L2HGDH: variants seen among roughly 807,000 people sequenced by gnomAD.
L2HGDH encodes the protein L-2-hydroxyglutarate dehydrogenase, mitochondrial.
In L2HGDH, 34 loss-of-function variants were observed where a neutral mutation model predicts 51.5. That is an observed-to-expected ratio of 0.66 (90% CI 0.50 to 0.88). L2HGDH has a LOEUF of 0.88. Among genes scored for constraint, L2HGDH ranks in the 40% least tolerant of loss-of-function variants. The probability of loss-of-function intolerance (pLI) is 0.00; values close to 1 mark genes in which losing one functional copy is unlikely to be tolerated. For synonymous variants in L2HGDH, 198 were observed against 197.9 expected (o/e 1.00, Z -0.01); for missense variants, 558 against 571.9 (o/e 0.98, Z 0.25).
At chr14:50,277,774 A>AAATAAT (rs34552494) in intron 6 of L2HGDH, among the ~76,000 whole-genome samples, 33 of 133,522 alleles carry the variant, frequency 2.5e-4, no homozygotes, top group East Asian at 6.7e-4. Context: ...CTCCGTCTCA[A>AAATAAT]AATAATAATA....
At chr14:50,290,936 A>G (rs1890842077) in intron 4 of L2HGDH, among the ~76,000 whole-genome samples, 1 of 152,180 alleles carries the variant, frequency 6.6e-6, no homozygotes, top group Non-Finnish European at 1.5e-5. Flanking sequence ...ACGGTGGCTC[A>G]CGCCTATAAT....
At chr14:50,293,807 T>A (rs896079302) in intron 4 of L2HGDH, among the ~76,000 whole-genome samples, 7 of 152,206 alleles carry the variant, frequency 4.6e-5, no homozygotes, top group African/African-American at 1.4e-4. Flanking sequence ...TTCAGTCTCA[T>A]CTCTTATATT....
rs1448244675 is a variant in L2HGDH at position 50,257,760 on chromosome 14, GT to G, written c.1196+7597del. ...AATTTGCCTAGTTCTTTTTTCTTTG[GT>G]TTTTTTTTTTCATGTTTTCATTACC... On this transcript the variant is annotated intron_variant, in intron 9 of 9. Transcript: ENST00000267436. Among the ~76,000 whole-genome samples, 475 of 141,754 alleles carry G rather than the reference GT, an allele frequency of 3.4e-3. 2 individuals carry two copies. The highest frequency in any genetic ancestry group is 5.0e-3 in the Non-Finnish European group (321 of 64,462). The allele number at this position is 141,754 out of a possible 152,430, so 93.0% of individuals were successfully genotyped here.
At chr14:50,269,666 C>T (rs755315224) in intron 6 of L2HGDH, among the ~76,000 whole-genome samples, 1 of 152,114 alleles carries the variant, frequency 6.6e-6, no homozygotes, top group Non-Finnish European at 1.5e-5. Context: ...TAGCAGGGAG[C>T]TTCTTAACTA....
chr14:50,310,936 C>CTTTTTTTTTTTTTTTTTT (rs34399906), intron 1 of L2HGDH, among the ~76,000 whole-genome samples: 73 of 82,238 alleles, frequency 8.9e-4, no homozygotes, highest in Non-Finnish European at 1.3e-3. Context: ...CTTTTCTTTT[C>CTTTTTTTTTTTTTTTTTT]TTTTTTTTTT....
chr14:50,283,439 A>C (rs115610985), intron 5 of L2HGDH, among the ~76,000 whole-genome samples: 2 of 151,600 alleles, frequency 1.3e-5, no homozygotes, highest in Non-Finnish European at 2.9e-5. Context: ...TCTGCACCAT[A>C]CTCTAGCCTA....
At position 50,312,033 on chromosome 14, in the gene L2HGDH, C is replaced by T; in HGVS notation, c.118G>A (p.Gly40Ser). The T allele has an allele frequency of 1.9e-6, 3 of 1,579,028 alleles. No homozygotes were observed. Among genetic ancestry groups the T allele is most frequent in the East Asian group, 2.3e-5 (1 of 43,386 alleles). ...CACCTGGTGCTGGCGCTGCGGCTAC[C>T]TCCACACAGCGGTCTTGGCCTCCCA... ...ASGRPRPLCG[G>S]SRSASTSSFD... is the part of the protein sequence containing the mutation. The change falls in exon 1 of 10, where the codon GGT becomes AGT. Residue 40 changes from glycine to serine, a missense_variant. This residue lies in a region of L2HGDH where 194 missense variants were observed against 187.2 expected (regional missense o/e 1.04). Coordinates refer to ENST00000267436, the MANE Select transcript of L2HGDH (RefSeq NM_024884.3).
intron 9 of L2HGDH, among the ~76,000 whole-genome samples, chr14:50,252,896 A>C (rs1888446881): frequency 6.6e-6 from 1 of 152,138 alleles, no homozygotes; most frequent in Non-Finnish European, 1.5e-5. Flanking sequence ...ACCTCGACAA[A>C]GAAATGTCAG....
intron 1 of L2HGDH, among the ~76,000 whole-genome samples, chr14:50,311,785 A>G (rs148231540): frequency 1.3e-5 from 2 of 152,336 alleles, no homozygotes; most frequent in South Asian, 2.1e-4. Context: ...TCAAAGCCAG[A>G]GCTACTCCCG....
At chr14:50,304,149 T>C (rs1011119313) in intron 1 of L2HGDH, among the ~76,000 whole-genome samples, 2 of 152,198 alleles carry the variant, frequency 1.3e-5, no homozygotes, top group Non-Finnish European at 2.9e-5. Flanking sequence ...TATTGAATAC[T>C]GCAGGCAACT....
intron 9 of L2HGDH, among the ~76,000 whole-genome samples, chr14:50,263,674 G>GA (rs1595080971): frequency 6.6e-6 from 1 of 151,324 alleles, no homozygotes. Context: ...GCTTGCTCAG[G>GA]AAAAAAGGTG....
At chr14:50,303,655 T>C (rs1359192213) in intron 1 of L2HGDH, among the ~76,000 whole-genome samples, 2 of 151,272 alleles carry the variant, frequency 1.3e-5, no homozygotes, top group Non-Finnish European at 2.9e-5. Flanking sequence ...CAGGCACCTG[T>C]AATCCCAACT....
At chr14:50,265,577 G>A in intron 8 of L2HGDH, 88 bp from the exon 9 acceptor site, 1 of 1,216,750 alleles carries the variant, frequency 8.2e-7, no homozygotes, top group Non-Finnish European at 1.1e-6. Context: ...CTTTTTTTAT[G>A]TCATCACAAA....
At position 50,245,184 on chromosome 14, in the gene L2HGDH, C is replaced by T. The variant is rs1346518979; in HGVS notation, c.*1874G>A. 2 of 985,164 alleles carry T rather than the reference C, an allele frequency of 2.0e-6. No homozygotes were observed. The highest frequency in any genetic ancestry group is 2.4e-6 in the Non-Finnish European group (2 of 829,800). 61.0% of individuals were successfully genotyped at this position (985,164 alleles called of 1,614,324 possible). On this transcript the variant is annotated 3_prime_UTR_variant, in exon 10 of 10. Coordinates refer to ENST00000267436, the MANE Select transcript of L2HGDH (RefSeq NM_024884.3). ...ATATCCCTATACAAGTTTATAGGAG[C>T]CCTGAAAAATCAAGTACGTATGAAT...
In L2HGDH at chr14:50,305,568, G is replaced by A. The variant is rs115289985; in HGVS notation, c.141-2551C>T. Among the ~76,000 whole-genome samples, 294 of 152,250 alleles carry A rather than the reference G, an allele frequency of 1.9e-3. 1 individual carries two copies. The highest frequency in any genetic ancestry group is 6.3e-3 in the African/African-American group (260 of 41,546). On this transcript the variant is annotated intron_variant, in intron 1 of 9. Coordinates refer to ENST00000267436, the MANE Select transcript of L2HGDH (RefSeq NM_024884.3). ...TACACAACTTTCACAATAAACAGATGTTTTATGGATTCTAAAATAGCCTGG... is the reference window on the plus strand; with the variant it reads ...TACACAACTTTCACAATAAACAGATATTTTATGGATTCTAAAATAGCCTGG...
Position 50,244,979 on chromosome 14 carries a change from T to A in L2HGDH, c.*2079A>T. The A allele has an allele frequency of 1.0e-6, 1 of 985,438 alleles. No individual in the cohort carries two copies. The highest frequency in any genetic ancestry group is 1.2e-6 in the Non-Finnish European group (1 of 829,804). The allele number at this position is 985,438 out of a possible 1,614,324, so 61.0% of individuals were successfully genotyped here. ...GGTCGCCACATTTTCATTTACAATT[T>A]CTATTTTCTAACTTTCTAAATTATA... On this transcript the variant is annotated 3_prime_UTR_variant, in exon 10 of 10. Coordinates refer to ENST00000267436, the MANE Select transcript of L2HGDH (RefSeq NM_024884.3).
At chr14:50,274,870 G>A (rs141183204) in intron 6 of L2HGDH, among the ~76,000 whole-genome samples, 1 of 148,910 alleles carries the variant, frequency 6.7e-6, no homozygotes, top group East Asian at 2.0e-4. Context: ...AAGCCAGACA[G>A]TGAAAGACAA....
At chr14:50,300,232 A>G (rs746313798) in intron 3 of L2HGDH, among the ~76,000 whole-genome samples, 1 of 152,206 alleles carries the variant, frequency 6.6e-6, no homozygotes, top group Non-Finnish European at 1.5e-5. Context: ...TGTTTGCATC[A>G]TAAAAAAAAA....
At chr14:50,273,803 G>A (rs1226851019) in intron 6 of L2HGDH, among the ~76,000 whole-genome samples, 6 of 152,100 alleles carry the variant, frequency 3.9e-5, no homozygotes, top group African/African-American at 4.8e-5. Flanking sequence ...AAGAAAGGCC[G>A]GGCACAGGGG....
Sources: allele counts gnomAD v4.1 joint callset (sites outside exome capture counted in the v4.1 genomes callset), GRCh38; gene constraint gnomAD v4.1.1; regional missense constraint gnomAD v4.1.1; transcripts MANE v1.5; gene names NCBI Gene and HGNC (gene_info 2026-07-23, HGNC 2026-07-21).